RALYL: variants seen among roughly 807,000 people sequenced by gnomAD.
RALYL encodes the protein RALY RNA binding protein like, also known as RNA-binding Raly-like protein.
A neutral mutation model predicts 35.1 loss-of-function variants in RALYL; 29 were observed. The observed-to-expected ratio is 0.83, with a 90% CI of 0.61 to 1.13. The LOEUF (loss-of-function observed/expected upper bound fraction) is 1.13, where lower values mean the gene tolerates loss of function less well. Ranked by LOEUF, RALYL falls within the 50% of genes most tolerant of loss-of-function variation. The probability of loss-of-function intolerance (pLI) is 0.00; values close to 1 mark genes in which losing one functional copy is unlikely to be tolerated. For synonymous variants in RALYL, 120 were observed against 127.6 expected (o/e 0.94, Z 0.40); for missense variants, 359 against 360.4 (o/e 1.00, Z 0.03).
At chr8:84,488,108 G>A (rs2054848842) in intron 1 of RALYL, among the ~76,000 whole-genome samples, 1 of 152,034 alleles carries the variant, frequency 6.6e-6, no homozygotes, top group Non-Finnish European at 1.5e-5. Flanking sequence ...TTTATCATGA[G>A]ATGATTTATA....
chr8:84,339,984 G>A (rs976714965), intron 1 of RALYL, among the ~76,000 whole-genome samples: 2 of 152,042 alleles, frequency 1.3e-5, no homozygotes, highest in African/African-American at 4.8e-5. Context: ...CATGGGGATG[G>A]GTTTTTCCCA....
intron 1 of RALYL, among the ~76,000 whole-genome samples, chr8:84,426,882 T>C (rs1416593379): frequency 6.6e-6 from 1 of 152,168 alleles, no homozygotes; most frequent in South Asian, 2.1e-4. Flanking sequence ...ACAGCCGTTA[T>C]GGAGAACAGT....
intron 1 of RALYL, among the ~76,000 whole-genome samples, chr8:84,519,235 T>G (rs1339783412): frequency 6.6e-6 from 1 of 152,180 alleles, no homozygotes; most frequent in Non-Finnish European, 1.5e-5. Flanking sequence ...TTTTACATAT[T>G]TTAGGGAAAT....
intron 5 of RALYL, among the ~76,000 whole-genome samples, chr8:84,853,560 A>G (rs1327285573): frequency 6.6e-6 from 1 of 152,168 alleles, no homozygotes; most frequent in African/African-American, 2.4e-5. Flanking sequence ...TTTGTGTACA[A>G]TCTGTTTGGC....
intron 2 of RALYL, among the ~76,000 whole-genome samples, chr8:84,661,562 CTTTAA>C (rs781490133): frequency 1.0e-4 from 15 of 148,556 alleles, no homozygotes; most frequent in Non-Finnish European, 2.1e-4. Context: ...ATAGGCATGG[CTTTAA>C]TTTATGGCAA....
chr8:84,719,032 G>A (rs1035174686), intron 2 of RALYL, among the ~76,000 whole-genome samples: 1 of 152,132 alleles, frequency 6.6e-6, no homozygotes, highest in Admixed American at 6.6e-5. Flanking sequence ...TCAGGTGCCA[G>A]CTTAGATAAT....
intron 2 of RALYL, among the ~76,000 whole-genome samples, chr8:84,689,548 G>T (rs1222460434): frequency 6.6e-6 from 1 of 152,104 alleles, no homozygotes; most frequent in Non-Finnish European, 1.5e-5. Context: ...ACGTGTGCAT[G>T]TGTCTTTATA....
intron 1 of RALYL, among the ~76,000 whole-genome samples, chr8:84,437,065 T>A (rs2047816134): frequency 6.6e-6 from 1 of 152,076 alleles, no homozygotes; most frequent in Non-Finnish European, 1.5e-5. Context: ...ATTGCTGCCA[T>A]TTTTATGTCC....
intron 2 of RALYL, among the ~76,000 whole-genome samples, chr8:84,656,427 G>C (rs1186749484): frequency 1.3e-5 from 2 of 152,132 alleles, no homozygotes; most frequent in South Asian, 4.1e-4. Flanking sequence ...GAAATATAGA[G>C]AGAAATAATA....
rs183600538 is a variant in RALYL at position 84,639,617 on chromosome 8, C to A, written c.256+110040C>A. ...AATTAATTTATTTTTTGTTTATATT[C>A]TCCCTTTTTTGTCAAAGTATACCAG... On this transcript the variant is annotated intron_variant, in intron 2 of 8. Coordinates refer to ENST00000521268, the MANE Select transcript of RALYL (RefSeq NM_173848.7). Among the ~76,000 whole-genome samples the A allele has an allele frequency of 2.9e-3, 435 of 151,888 alleles. 2 individuals are homozygous for A. The highest frequency in any genetic ancestry group is 1.0e-2 in the African/African-American group (413 of 41,480).
intron 1 of RALYL, among the ~76,000 whole-genome samples, chr8:84,224,510 G>A (rs1472900457): frequency 6.6e-6 from 1 of 152,066 alleles, no homozygotes; most frequent in Non-Finnish European, 1.5e-5. Context: ...TGTTCTCTGT[G>A]CACAGAGAAC....
chr8:84,330,004 T>A (rs900323862), intron 1 of RALYL, among the ~76,000 whole-genome samples: 1 of 150,606 alleles, frequency 6.6e-6, no homozygotes, highest in Non-Finnish European at 1.5e-5. Context: ...AAAGGGGATA[T>A]TATTATGAAT....
chr8:84,821,292 G>A (rs1828471258), intron 4 of RALYL, among the ~76,000 whole-genome samples: 1 of 152,064 alleles, frequency 6.6e-6, no homozygotes, highest in Non-Finnish European at 1.5e-5. Context: ...TTCATTTAAT[G>A]CTGAATAAGT....
At chr8:84,713,602 A>G (rs1842523319) in intron 2 of RALYL, among the ~76,000 whole-genome samples, 1 of 151,966 alleles carries the variant, frequency 6.6e-6, no homozygotes, top group Admixed American at 6.6e-5. Context: ...GTGAGTACAT[A>G]AAGTAAAGGG....
chr8:84,536,657 G>A (rs563674633), intron 2 of RALYL, among the ~76,000 whole-genome samples: 7 of 152,270 alleles, frequency 4.6e-5, no homozygotes, highest in Admixed American at 1.3e-4. Flanking sequence ...AAAGAATGCT[G>A]CAGGTAATAA....
At chr8:84,486,858 T>C (rs2054684372) in intron 1 of RALYL, among the ~76,000 whole-genome samples, 1 of 152,106 alleles carries the variant, frequency 6.6e-6, no homozygotes, top group African/African-American at 2.4e-5. Flanking sequence ...TCTTAAAAAA[T>C]TTGTAAGTGT....
intron 2 of RALYL, among the ~76,000 whole-genome samples, chr8:84,747,614 T>C (rs1689178343): frequency 6.6e-6 from 1 of 151,930 alleles, no homozygotes; most frequent in African/African-American, 2.4e-5. Context: ...GCAGTTCTTG[T>C]AAAGATTTCT....
At chr8:84,492,831 A>AGTTT in intron 1 of RALYL, among the ~76,000 whole-genome samples, 1 of 152,140 alleles carries the variant, frequency 6.6e-6, no homozygotes, top group African/African-American at 2.4e-5. Flanking sequence ...AATAAATTTT[A>AGTTT]CATTTTCAGA....
At chr8:84,311,396 A>G (rs1162342923) in intron 1 of RALYL, among the ~76,000 whole-genome samples, 1 of 152,122 alleles carries the variant, frequency 6.6e-6, no homozygotes, top group East Asian at 1.9e-4. Flanking sequence ...AAATAAACAG[A>G]AAATCTACTA....
Sources: gnomAD v4.1 joint callset for allele counts (sites outside exome capture counted in the v4.1 genomes callset) on GRCh38, gnomAD v4.1.1 for gene constraint, MANE v1.5 for transcripts, NCBI Gene and HGNC (gene_info 2026-07-23, HGNC 2026-07-21) for gene names.